BRAP: variants seen among roughly 807,000 people sequenced by gnomAD.
BRAP encodes BRCA1-associated protein.
BRAP carries 42 observed loss-of-function variants against 73.4 expected under a neutral mutation model. The observed-to-expected ratio is 0.57, with a 90% CI of 0.45 to 0.74. The LOEUF is 0.74. BRAP is among the 30% of genes least tolerant of loss of function. The pLI, the probability that BRAP is intolerant of heterozygous loss-of-function variation, is 0.00. For synonymous variants in BRAP, 255 were observed against 267.4 expected (o/e 0.95, Z 0.45); for missense variants, 593 against 751.4 (o/e 0.79, Z 2.46).
At chr12:111,683,438 C>T in intron 1 of BRAP, 131 bp from the exon 2 acceptor site, 2 of 1,026,800 alleles carry the variant, frequency 1.9e-6, no homozygotes, top group Admixed American at 2.7e-5. Flanking sequence ...TTTGTAGTAT[C>T]CATCTCACTC....
At chr12:111,651,215 AGCACTAGCT>A (rs1566111154) in intron 10 of BRAP, among the ~76,000 whole-genome samples, 1,965 of 145,946 alleles carry the variant, frequency 0.013, 52 homozygotes, top group African/African-American at 0.049. Context: ...AGTCTCTAAT[AGCACTAGCT>A]TTAATAATAA....
intron 1 of BRAP, among the ~76,000 whole-genome samples, chr12:111,684,064 G>A (rs1325941791): frequency 6.6e-6 from 1 of 152,134 alleles, no homozygotes; most frequent in African/African-American, 2.4e-5. Context: ...ACCAAGCCAT[G>A]AACATCTGTG....
chr12:111,675,077 G>A (rs1887328809), intron 4 of BRAP, among the ~76,000 whole-genome samples: 1 of 151,992 alleles, frequency 6.6e-6, no homozygotes, highest in Admixed American at 6.6e-5. Flanking sequence ...CCTGGGCAAC[G>A]TGGCGAAACC....
chr12:111,665,803 C>T lies in BRAP; in HGVS notation c.748-16G>A. 2 of 1,614,082 alleles carry T rather than the reference C, an allele frequency of 1.2e-6. No homozygotes were observed. The highest frequency in any genetic ancestry group is 1.7e-6 in the Non-Finnish European group (2 of 1,179,950). ...GGCTGGCGCCCTACAGGAAACACCT[C>T]ACATAAGCCTCACTCTTCATCTACC... On this transcript the variant is annotated splice_polypyrimidine_tract_variant and intron_variant, in intron 5 of 11. Transcript: ENST00000419234. The surrounding 1 kb of genome is among the most constrained non-coding windows in gnomAD (Gnocchi z 4.3).
chr12:111,685,653 G>A, intron 1 of BRAP, 58 bp downstream of exon 1: 2 of 1,551,064 alleles, frequency 1.3e-6, no homozygotes, highest in East Asian at 2.3e-5. Flanking sequence ...CTTTGGGAAG[G>A]GAAGCCCTCC....
chr12:111,662,958 A>C (rs1183000479), intron 6 of BRAP, among the ~76,000 whole-genome samples: 1 of 149,176 alleles, frequency 6.7e-6, no homozygotes, highest in Non-Finnish European at 1.5e-5. Context: ...AAAAAAAAAA[A>C]AACAAAAAAC....
intron 7 of BRAP, among the ~76,000 whole-genome samples, chr12:111,659,857 ATGTT>A: frequency 6.6e-6 from 1 of 152,236 alleles, no homozygotes; most frequent in South Asian, 2.1e-4. Flanking sequence ...ACTCTACAAA[ATGTT>A]TTTTTTGTAG....
intron 8 of BRAP, 49 bp downstream of exon 8, chr12:111,659,156 CAA>C (rs1886645431): frequency 6.3e-7 from 1 of 1,580,258 alleles, no homozygotes; most frequent in Non-Finnish European, 8.6e-7. Context: ...GTTGTGAAGG[CAA>C]AGTTTCCACA....
intron 6 of BRAP, among the ~76,000 whole-genome samples, chr12:111,663,859 G>A (rs1886841735): frequency 6.6e-6 from 1 of 152,178 alleles, no homozygotes; most frequent in South Asian, 2.1e-4. Context: ...ATGACAGGTT[G>A]AATTCTAGTC....
At chr12:111,680,835 A>G (rs556704900) in intron 3 of BRAP, among the ~76,000 whole-genome samples, 58 of 152,364 alleles carry the variant, frequency 3.8e-4, no homozygotes, top group African/African-American at 1.3e-3. Flanking sequence ...ATTACCCAAG[A>G]AGGTAGTGGC....
intron 6 of BRAP, among the ~76,000 whole-genome samples, chr12:111,663,121 T>A (rs966231029): frequency 4.6e-5 from 7 of 152,090 alleles, no homozygotes; most frequent in Non-Finnish European, 1.0e-4. Flanking sequence ...CAATTAGCAT[T>A]CTATGATATA....
At chr12:111,654,444 T>C (rs898016284) in intron 10 of BRAP, among the ~76,000 whole-genome samples, 1 of 151,890 alleles carries the variant, frequency 6.6e-6, no homozygotes, top group African/African-American at 2.4e-5. Flanking sequence ...GCCTCCTGAG[T>C]AGCTGGGATT....
At position 111,672,661 on chromosome 12, in the gene BRAP, A is replaced by C; in HGVS notation, c.747T>G (p.Asp249Glu). The C allele has an allele frequency of 6.2e-7, 1 of 1,607,118 alleles. No homozygotes were observed. The highest frequency in any genetic ancestry group is 8.5e-7 in the Non-Finnish European group (1 of 1,174,948). ...AAATATAGGAACAATTCACACTTAC[A>C]TCTTCAGATTTGAGCACTTCAGCTC... ...VERAEVLKSE[D>E]GASLPVMDLT... The change falls in exon 5 of 12, where the codon GAT (aspartate) becomes GAG (glutamate). Residue 249 changes from aspartate (D) to glutamate (E), a missense_variant and splice_region_variant. Physicochemically the swap from Asp to Glu is conservative, Grantham distance 45 (BLOSUM62 2). Transcript: ENST00000419234.
intron 4 of BRAP, among the ~76,000 whole-genome samples, chr12:111,678,122 C>T (rs894042073): frequency 6.6e-6 from 1 of 151,812 alleles, no homozygotes; most frequent in African/African-American, 2.4e-5. Flanking sequence ...CATGGTGGTG[C>T]ATGCCTATAA....
intron 7 of BRAP, 61 bp downstream of exon 7, chr12:111,660,539 G>T: frequency 1.4e-6 from 2 of 1,430,090 alleles, no homozygotes; most frequent in Admixed American, 2.2e-5. Flanking sequence ...ATACCAGGCA[G>T]AAGAAAACTC....
chr12:111,677,398 G>T (rs1448795026), intron 4 of BRAP, among the ~76,000 whole-genome samples: 1 of 152,166 alleles, frequency 6.6e-6, no homozygotes, highest in Non-Finnish European at 1.5e-5. Flanking sequence ...CCTACTAGAA[G>T]AGGAACGCGT....
intron 10 of BRAP, among the ~76,000 whole-genome samples, chr12:111,652,049 A>T (rs1047002137): frequency 1.3e-5 from 2 of 152,176 alleles, no homozygotes; most frequent in Non-Finnish European, 2.9e-5. Context: ...AAAATAACAG[A>T]GCACTAGATC....
At chr12:111,660,481 T>G (rs1419586) in intron 7 of BRAP, 119 bp downstream of exon 7, 57,245 of 863,460 alleles carry the variant, frequency 0.066, 2,193 homozygotes, top group Middle Eastern at 0.1. Flanking sequence ...AAGCCCTGTC[T>G]CTTAAAATAA....
chr12:111,678,667 A>C lies in BRAP; in HGVS notation c.633+484T>G, dbSNP rs569706470. ...GCGAGAATTCGTCTCAAAAAGAAAC[A>C]AACAAAAAAACACACTAGATTTTTT... On this transcript the variant is annotated intron_variant, in intron 4 of 11. Coordinates refer to ENST00000419234, the MANE Select transcript of BRAP (RefSeq NM_006768.5). Among the ~76,000 whole-genome samples the C allele has an allele frequency of 1.5e-3, 233 of 151,500 alleles. 3 individuals are homozygous for C. Among genetic ancestry groups the C allele is most frequent in the South Asian group, 2.1e-3 (10 of 4,798 alleles).
Sources: gnomAD v4.1 joint callset for allele counts (sites outside exome capture counted in the v4.1 genomes callset) on GRCh38, gnomAD v4.1.1 for gene constraint, Gnocchi (gnomAD v3.1) non-coding constraint, MANE v1.5 for transcripts, NCBI Gene and HGNC (gene_info 2026-07-23, HGNC 2026-07-21) for gene names.